The following KIDINS220 variants were observed in gnomAD, a reference collection of about 807,000 sequenced individuals.
KIDINS220 encodes the protein kinase D interacting substrate 220.
A neutral mutation model predicts 157.6 loss-of-function variants in KIDINS220; 63 were observed. The observed-to-expected ratio is 0.40, with a 90% CI of 0.33 to 0.49. The LOEUF (loss-of-function observed/expected upper bound fraction) is 0.49. Ranked by LOEUF, KIDINS220 falls within the 20% of genes least tolerant of loss-of-function variation. KIDINS220 has a pLI of 0.66. For synonymous variants in KIDINS220, 732 were observed against 783.6 expected (o/e 0.93, Z 1.10); for missense variants, 1,772 against 2,171.2 (o/e 0.82, Z 3.65).
chr2:8,821,516 G>A (rs1196302895), intron 2 of KIDINS220, among the ~76,000 whole-genome samples: 1 of 152,188 alleles, frequency 6.6e-6, no homozygotes, highest in African/African-American at 2.4e-5. Context: ...CTACATGACT[G>A]ATGTGACGCA....
chr2:8,801,973 A>T (rs1674779783), intron 8 of KIDINS220, among the ~76,000 whole-genome samples: 1 of 152,206 alleles, frequency 6.6e-6, no homozygotes, highest in Non-Finnish European at 1.5e-5. Flanking sequence ...GGAAACCTTG[A>T]AGCTGAGGTG....
At chr2:8,763,628 T>G (rs759382166) in intron 22 of KIDINS220, among the ~76,000 whole-genome samples, 9 of 152,192 alleles carry the variant, frequency 5.9e-5, no homozygotes, top group Non-Finnish European at 1.2e-4. Flanking sequence ...GTTTAATAAA[T>G]GAACACAATT....
At chr2:8,726,319 G>A (rs976426896), downstream of KIDINS220, among the ~76,000 whole-genome samples, 4 of 152,198 alleles carry the variant, frequency 2.6e-5, no homozygotes, top group Non-Finnish European at 5.9e-5. Flanking sequence ...CCTACAGCAC[G>A]TGTGTGCGAC....
At position 8,730,905 on chromosome 2, in the gene KIDINS220, C is replaced by T. The variant is rs1558298928; in HGVS notation, c.5131G>A (p.Val1711Ile). The T allele has an allele frequency of 6.2e-7, 1 of 1,614,184 alleles. No individual in the cohort carries two copies. The highest frequency in any genetic ancestry group is 8.5e-7 in the Non-Finnish European group (1 of 1,180,038). The change falls in exon 30 of 30, where the codon GTC becomes ATC. Residue 1711 changes from valine (V) to isoleucine (I), a missense_variant. Val to Ile is a conservative substitution (Grantham distance 29, BLOSUM62 3). Around this residue, in one of 3 missense-constraint regions of KIDINS220, gnomAD observed 793 missense variants for 885.5 expected, o/e 0.90. Transcript: ENST00000256707. ...GGACTGGAACTAGGCCTCAAAATGACTTGAGAAGTCTCCCTAATTCCCTCC... is the reference window on the plus strand; with the variant it reads ...GGACTGGAACTAGGCCTCAAAATGATTTGAGAAGTCTCCCTAATTCCCTCC... The part of the protein sequence containing the change: ...EMEGIRETSQ[V>I]ILRPSSSPNP...
At chr2:8,820,736 T>C (rs1342519576) in intron 2 of KIDINS220, among the ~76,000 whole-genome samples, 1 of 152,198 alleles carries the variant, frequency 6.6e-6, no homozygotes, top group African/African-American at 2.4e-5. Flanking sequence ...ATGATAATCA[T>C]CACTCTGAAA....
chr2:8,826,080 T>G (rs1421093933), intron 2 of KIDINS220, among the ~76,000 whole-genome samples: 1 of 151,976 alleles, frequency 6.6e-6, no homozygotes. Flanking sequence ...TGAGACTCCA[T>G]CTCAAAAAAA....
intron 27 of KIDINS220, 21 bp downstream of exon 27, chr2:8,736,847 G>T (rs199801392): frequency 9.3e-6 from 15 of 1,613,532 alleles, no homozygotes; most frequent in Non-Finnish European, 1.3e-5. Flanking sequence ...TCTCTGGTCC[G>T]TGTGTAAGTG....
chr2:8,770,896 T>C lies in KIDINS220; in HGVS notation c.2849-64A>G. 3.3e-6 allele frequency: 3 copies of C among 915,924 alleles called. 1 individual carries two copies. The highest frequency in any genetic ancestry group is 5.2e-5 in the South Asian group (2 of 38,824). The allele number at this position is 915,924 out of a possible 1,614,324, so 56.7% of individuals were successfully genotyped here. ...GTGTGATAGTATGTTAAGTAAAACA[T>C]TTAGTATATTCACAAATATTTTAAA... On this transcript the variant is annotated intron_variant, in intron 21 of 29. Coordinates refer to ENST00000256707, the MANE Select transcript of KIDINS220 (RefSeq NM_020738.4).
Position 8,755,647 on chromosome 2 carries a change from C to T in KIDINS220, c.3012-4003G>A, listed in dbSNP as rs1016400532. On this transcript the variant is annotated intron_variant, in intron 22 of 29. Transcript: ENST00000256707. The stretch of plus-strand genomic sequence containing the variant: ...AAGCATAGGTTGATCCATCTGGAGT[C>T]AATTTTGTACATGGTGTGGGGTAGG... Among the ~76,000 whole-genome samples the T allele has an allele frequency of 2.0e-5, 3 of 152,188 alleles. No homozygotes were observed. In the East Asian group the frequency reaches 5.8e-4, roughly 29 times the overall value.
chr2:8,775,729 G>A (rs1248827194), intron 21 of KIDINS220, among the ~76,000 whole-genome samples: 1 of 152,206 alleles, frequency 6.6e-6, no homozygotes. Context: ...TGGGGTAGTA[G>A]CTAGAGGCAG....
chr2:8,766,913 G>A (rs774366515), intron 22 of KIDINS220, among the ~76,000 whole-genome samples: 2 of 152,040 alleles, frequency 1.3e-5, no homozygotes, highest in Non-Finnish European at 2.9e-5. Context: ...ACAAAGACAT[G>A]GATAAAAATA....
At chr2:8,822,160 CTT>C (rs1264790026) in intron 2 of KIDINS220, among the ~76,000 whole-genome samples, 1 of 152,166 alleles carries the variant, frequency 6.6e-6, no homozygotes, top group African/African-American at 2.4e-5. Flanking sequence ...ATTTAAGCAT[CTT>C]TTTGCTCTTC....
chr2:8,747,349 TAG>T (rs1666727369), intron 25 of KIDINS220, 148 bp from the exon 26 acceptor site: 6 of 661,406 alleles, frequency 9.1e-6, no homozygotes, highest in African/African-American at 5.5e-5. Flanking sequence ...AACATATTAA[TAG>T]AGAGTTTCTT....
At chr2:8,780,771 A>T (rs1277594927) in intron 17 of KIDINS220, among the ~76,000 whole-genome samples, 1 of 151,810 alleles carries the variant, frequency 6.6e-6, no homozygotes, top group Non-Finnish European at 1.5e-5. Context: ...AAAACAGTTT[A>T]AAAAAAAGTA....
intron 17 of KIDINS220, among the ~76,000 whole-genome samples, chr2:8,781,754 G>A (rs1266169138): frequency 6.6e-6 from 1 of 152,162 alleles, no homozygotes; most frequent in South Asian, 2.1e-4. Context: ...AAATTTGTGG[G>A]ACGCAACAAA....
rs903767243 is a variant in KIDINS220 at position 8,793,945 on chromosome 2, G to A, written c.1141C>T (p.Arg381Trp). ...PLHIAIRGRS[R>W]KLAELLLRNP... ...CTTAAAAGCAGTTCTGCCAGTTTCC[G>A]GCTCCTTCCACGAATAGCAATATGC... The change falls in exon 12 of 30, where the codon CGG (arginine) becomes TGG (tryptophan). Residue 381 changes from arginine to tryptophan, a missense_variant. Around this residue, in one of 3 missense-constraint regions of KIDINS220, gnomAD observed 725 missense variants for 1,017.1 expected, o/e 0.71. Coordinates refer to ENST00000256707, the MANE Select transcript of KIDINS220 (RefSeq NM_020738.4). 7 of 1,613,162 alleles carry A rather than the reference G, an allele frequency of 4.3e-6. No homozygotes were observed. Among genetic ancestry groups the A allele is most frequent in the African/African-American group, 1.3e-5 (1 of 74,810 alleles).
At chr2:8,761,128 T>A (rs971479787) in intron 22 of KIDINS220, among the ~76,000 whole-genome samples, 2 of 152,176 alleles carry the variant, frequency 1.3e-5, no homozygotes, top group Admixed American at 1.3e-4. Flanking sequence ...ATAGCTGTTT[T>A]AGGCATCACT....
downstream of KIDINS220, chr2:8,723,950 C>T (rs1274253810): frequency 1.3e-5 from 2 of 152,202 alleles, no homozygotes; most frequent in Non-Finnish European, 2.9e-5. Context: ...TTTTTTCCCC[C>T]ATTTTTTTCC....
At chr2:8,823,128 C>G (rs766310652) in intron 2 of KIDINS220, among the ~76,000 whole-genome samples, 1 of 151,988 alleles carries the variant, frequency 6.6e-6, no homozygotes, top group East Asian at 1.9e-4. Context: ...AGGTGCCACA[C>G]CTGGCTAATA....
Sources: gnomAD v4.1 joint callset for allele counts (sites outside exome capture counted in the v4.1 genomes callset) on GRCh38, gnomAD v4.1.1 for gene constraint, gnomAD v4.1.1 regional missense constraint, MANE v1.5 for transcripts, NCBI Gene and HGNC (gene_info 2026-07-23, HGNC 2026-07-21) for gene names.